Variants in PMEL observed in about 807,000 individuals in gnomAD.
The protein encoded by PMEL is premelanosome protein.
Under a neutral mutation model 64.9 loss-of-function variants are expected in PMEL, and 53 were observed. The ratio of observed to expected loss-of-function variants is 0.82; its 90% CI spans 0.66 to 1.03. The LOEUF is 1.03. Among genes scored for constraint, PMEL ranks in the 50% least tolerant of loss-of-function variants. PMEL has a pLI of 0.00. For missense variants in PMEL, 716 were observed against 814.9 expected (o/e 0.88, Z 1.48); for synonymous variants, 299 against 316.2 (o/e 0.95, Z 0.58).
Position 55,955,327 on chromosome 12 carries a change from G to C in PMEL, c.1797C>G (p.Ile599Met), listed in dbSNP as rs770425842. ...QEAGLGQVPL[I>M]VGILLVLMAV... Reference sequence around the variant, plus strand: ...CCATCAACACCAGCAAGATGCCCACGATCAGCGGAACCTGCCCAAGGCCTG... The same window carrying C: ...CCATCAACACCAGCAAGATGCCCACCATCAGCGGAACCTGCCCAAGGCCTG... The change falls in exon 10 of 11, where the codon ATC becomes ATG. Residue 599 changes from isoleucine to methionine, a missense_variant. Coordinates refer to ENST00000548747, the MANE Select transcript of PMEL (RefSeq NM_001384361.1). The C allele has an allele frequency of 6.2e-7, 1 of 1,614,172 alleles. No homozygotes were observed. The highest frequency in any genetic ancestry group is 8.5e-7 in the Non-Finnish European group (1 of 1,180,024).
chr12:55,965,995 T>A lies in PMEL; in HGVS notation c.17A>T (p.Lys6Ile), dbSNP rs1889285718. The stretch of plus-strand genomic sequence containing the variant: ...CACAGCCAAATGAAGAAGGCATCTT[T>A]TTAGCACCAGATCCATTGTGTTCTT... Reference protein sequence around the residue: MDLVLKRCLLHLAVIG... With the variant: MDLVLIRCLLHLAVIG... Residue 6 changes from lysine to isoleucine, a missense_variant, in exon 1 of 11, where the codon AAA becomes ATA. Transcript: ENST00000548747. The A allele has an allele frequency of 2.5e-6, 4 of 1,614,212 alleles. No homozygotes were observed. The highest frequency in any genetic ancestry group is 3.4e-6 in the Non-Finnish European group (4 of 1,180,028).
At position 55,955,204 on chromosome 12, in the gene PMEL, T is replaced by C. The variant is rs778471739; in HGVS notation, c.1850+70A>G. On this transcript the variant is annotated intron_variant, in intron 10 of 10. Transcript: ENST00000548747. ...CCTCAAAGGGAGAGGTGGTTTCTTC[T>C]CCCCTTGAGGAAAAGTGAGTAGTGA... 22 of 1,139,678 alleles carry C rather than the reference T, an allele frequency of 1.9e-5. 1 individual carries two copies. Among genetic ancestry groups the C allele is most frequent in the Non-Finnish European group, 2.4e-5 (18 of 747,478 alleles). The allele number at this position is 1,139,678 out of a possible 1,614,324, so 70.6% of individuals were successfully genotyped here.
At chr12:55,960,224 AAGAAAAG>A (rs1203631545) in intron 3 of PMEL, among the ~76,000 whole-genome samples, 10 of 140,394 alleles carry the variant, frequency 7.1e-5, no homozygotes, top group African/African-American at 1.9e-4. Flanking sequence ...AAAAAAAAAA[AAGAAAAG>A]AAAAGAAAAG....
At chr12:55,962,710 G>T (rs563161022) in intron 1 of PMEL, among the ~76,000 whole-genome samples, 1 of 150,654 alleles carries the variant, frequency 6.6e-6, no homozygotes, top group Non-Finnish European at 1.5e-5. Flanking sequence ...TTTTAGTTTC[G>T]CCATGTTTCA....
At chr12:55,963,007 A>G (rs1889163879) in intron 1 of PMEL, among the ~76,000 whole-genome samples, 1 of 151,910 alleles carries the variant, frequency 6.6e-6, no homozygotes, top group African/African-American at 2.4e-5. Context: ...AAATACAAAA[A>G]TTAGCCGGGC....
chr12:55,966,616 G>C, upstream of PMEL: 3 of 993,798 alleles, frequency 3.0e-6, no homozygotes, highest in Non-Finnish European at 3.7e-6. Context: ...AGGTACTTGG[G>C]AAGAGTGTTC....
upstream of PMEL, chr12:55,966,136 G>T: frequency 6.7e-7 from 1 of 1,500,284 alleles, no homozygotes; most frequent in Non-Finnish European, 9.0e-7. Flanking sequence ...AGGGGCCGGA[G>T]GAGAGGAAAA....
At chr12:55,961,811 A>G (rs946485712) in intron 1 of PMEL, 79 bp from the exon 2 acceptor site, 2 of 859,004 alleles carry the variant, frequency 2.3e-6, no homozygotes, top group Non-Finnish European at 1.9e-6. Context: ...ATGTCACTCC[A>G]TTCATTCTCA....
chr12:55,961,487 T>C (rs1449949327), intron 2 of PMEL, 24 bp from the exon 3 acceptor site: 1 of 1,613,308 alleles, frequency 6.2e-7, no homozygotes, highest in Non-Finnish European at 8.5e-7. Context: ...CTACATTAGC[T>C]GGGACTCCTG....
rs76460762 is a variant in PMEL, at chr12:55,958,158, C to T, written c.470-74G>A. On this transcript the variant is annotated intron_variant, in intron 4 of 10. Transcript: ENST00000548747. ...GGGGACTGAGGGACAGGCTTCGAAA[C>T]GGCACTGGAGATGGGAGGTCAGGAA... 1,747 of 1,485,470 alleles carry T rather than the reference C, an allele frequency of 1.2e-3. 1 individual carries two copies. The highest frequency in any genetic ancestry group is 1.5e-3 in the Non-Finnish European group (1,636 of 1,078,076). The allele number at this position is 1,485,470 out of a possible 1,614,324, so 92.0% of individuals were successfully genotyped here.
chr12:55,961,348 C>G lies in PMEL; in HGVS notation c.303G>C (p.Gln101His). 1.2e-6 allele frequency: 2 copies of G among 1,614,140 alleles called. No individual in the cohort carries two copies. Among genetic ancestry groups the G allele is most frequent in the Non-Finnish European group, 1.7e-6 (2 of 1,179,998 alleles). Residue 101 changes from glutamine to histidine, a missense_variant, in exon 3 of 11, where the codon CAG becomes CAC. Physicochemically the swap from Gln to His is conservative, Grantham distance 24 (BLOSUM62 0). Transcript: ENST00000548747. ...TGATGGTATTGTTGACCCAGATAAC[C>G]TGCCCATCTGGCAATACCTTTTGGC... is the stretch of plus-strand genomic sequence containing the variant. ...PGSQKVLPDG[Q>H]VIWVNNTIIN...
intron 3 of PMEL, 33 bp from the exon 4 acceptor site, chr12:55,958,640 C>T: frequency 6.3e-7 from 1 of 1,599,530 alleles, no homozygotes; most frequent in Non-Finnish European, 8.5e-7. Flanking sequence ...CTCTCAAACC[C>T]TGGCATTCTT....
intron 1 of PMEL, among the ~76,000 whole-genome samples, chr12:55,963,287 T>C (rs950529078): frequency 5.9e-5 from 9 of 152,160 alleles, no homozygotes; most frequent in Non-Finnish European, 1.2e-4. Flanking sequence ...GACAAAATTA[T>C]TGTAACTGAC....
intron 3 of PMEL, among the ~76,000 whole-genome samples, chr12:55,959,719 C>T (rs1166361905): frequency 1.3e-5 from 2 of 152,162 alleles, no homozygotes; most frequent in African/African-American, 4.8e-5. Context: ...GCAGGAGAAT[C>T]GCTGGAACCT....
chr12:55,956,917 T>G (rs1489210743), intron 6 of PMEL, 32 bp downstream of exon 6: 1 of 1,601,032 alleles, frequency 6.2e-7, no homozygotes, highest in Non-Finnish European at 8.5e-7. Context: ...GTACCCCACC[T>G]CCGTGAACCT....
rs1889287148 is a variant in PMEL, at chr12:55,966,016, T to C, written c.-5A>G. 1.2e-6 allele frequency: 2 copies of C among 1,614,112 alleles called. No homozygotes were observed. Among genetic ancestry groups the C allele is most frequent in the South Asian group, 2.2e-5 (2 of 91,092 alleles). The stretch of plus-strand genomic sequence containing the variant: ...TCTTTTTAGCACCAGATCCATTGTG[T>C]TCTTCCCTCCAGCAACCAAAGGCAC... On this transcript the variant is annotated 5_prime_UTR_variant, in exon 1 of 11. Transcript: ENST00000548747.
chr12:55,956,968 C>T lies in PMEL; in HGVS notation c.1335G>A (p.Met445Ile), dbSNP rs1475238589. Residue 445 changes from methionine to isoleucine, a missense_variant, in exon 6 of 11, where the codon ATG becomes ATA. Met to Ile is a conservative substitution (Grantham distance 10, BLOSUM62 1). Coordinates refer to ENST00000548747, the MANE Select transcript of PMEL (RefSeq NM_001384361.1). ...EPEGPDASSI[M>I]STESITGSLG... ...TCTTACCTGTAATACTTTCCGTAGA[C>T]ATGATTGAGCTGGCATCTGGACCTT... is the stretch of plus-strand genomic sequence containing the variant. 4 of 1,614,066 alleles carry T rather than the reference C, an allele frequency of 2.5e-6. No homozygotes were observed. Among genetic ancestry groups the T allele is most frequent in the South Asian group, 1.1e-5 (1 of 91,082 alleles).
intron 10 of PMEL, 30 bp downstream of exon 10, chr12:55,955,244 G>T: frequency 6.9e-7 from 1 of 1,445,554 alleles, no homozygotes; most frequent in South Asian, 1.1e-5. Context: ...AAGGGATAAG[G>T]GGGTCTGAGC....
chr12:55,960,165 C>T (rs1889043499), intron 3 of PMEL, among the ~76,000 whole-genome samples: 1 of 148,050 alleles, frequency 6.8e-6, no homozygotes, highest in Admixed American at 6.7e-5. Context: ...GAGCTGAGAT[C>T]CTGCCACTGC....
Sources: allele counts gnomAD v4.1 joint callset (sites outside exome capture counted in the v4.1 genomes callset), GRCh38; gene constraint gnomAD v4.1.1; transcripts MANE v1.5; gene names NCBI Gene and HGNC (gene_info 2026-07-23, HGNC 2026-07-21).